GLUD1: variants seen among roughly 807,000 people sequenced by gnomAD.
GLUD1 encodes glutamate dehydrogenase 1.
A neutral mutation model predicts 56.0 loss-of-function variants in GLUD1; 22 were observed. That is an observed-to-expected ratio of 0.39 (90% CI 0.28 to 0.56). The LOEUF (loss-of-function observed/expected upper bound fraction) is 0.56, where lower values mean the gene tolerates loss of function less well. Among genes scored for constraint, GLUD1 ranks in the 20% least tolerant of loss-of-function variants. The pLI is 0.58. For synonymous variants in GLUD1, 223 were observed against 269.9 expected (o/e 0.83, Z 1.70); for missense variants, 451 against 732.0 (o/e 0.62, Z 4.43).
rs1845971776 is a variant in GLUD1, at chr10:87,062,854, G to T, written c.742-19C>A. On this transcript the variant is annotated intron_variant, in intron 5 of 12. Transcript: ENST00000277865. Reference sequence around the variant, plus strand: ...TAATATCCTGTAAGAGGGGGTAATTGAAAGAATGAAATGTCAAGTCCAATT... The same window carrying T: ...TAATATCCTGTAAGAGGGGGTAATTTAAAGAATGAAATGTCAAGTCCAATT... 1 of 1,607,874 alleles carries T rather than the reference G, an allele frequency of 6.2e-7. No individual in the cohort carries two copies. Among genetic ancestry groups the T allele is most frequent in the South Asian group, 1.1e-5 (1 of 90,796 alleles).
intron 8 of GLUD1, 184 bp downstream of exon 8, chr10:87,060,504 A>G: frequency 1.3e-6 from 1 of 793,552 alleles, no homozygotes; most frequent in East Asian, 2.5e-5. Context: ...ATGGTTGCAC[A>G]ACTCTGTGCC....
chr10:87,062,061 C>A (rs113786916), intron 6 of GLUD1, among the ~76,000 whole-genome samples: 4 of 152,054 alleles, frequency 2.6e-5, no homozygotes, highest in Admixed American at 1.3e-4. Flanking sequence ...GGATTACAGG[C>A]GTGAGCCACC....
Position 87,079,927 on chromosome 10 carries a change from CCCCTCT to C in GLUD1, c.446-3277_446-3272del, listed in dbSNP as rs1258508340. ...CCCCCTCCCCCTCCCCCTCTCCCTC[CCCCTCT>C]CCCTCTCCCTCTCCCCACGGTCTCC... On this transcript the variant is annotated intron_variant, in intron 1 of 12. Transcript: ENST00000277865. Among the ~76,000 whole-genome samples the C allele has an allele frequency of 5.7e-3, 716 of 125,950 alleles. 12 individuals are homozygous for C. The highest frequency in any genetic ancestry group is 0.021 in the African/African-American group (652 of 30,438). The allele number at this position is 125,950 out of a possible 152,430, so 82.6% of individuals were successfully genotyped here.
Position 87,051,477 on chromosome 10 carries a change from C to A in GLUD1, c.*274G>T. On this transcript the variant is annotated 3_prime_UTR_variant, in exon 13 of 13. Transcript: ENST00000277865. The stretch of plus-strand genomic sequence containing the variant: ...TGGGAAAAGCCACAGAGCAAGGCTG[C>A]ACAGCCAGATAAAGGAGGCTTTTTA... The A allele has an allele frequency of 2.1e-6, 1 of 480,138 alleles. No homozygotes were observed. The highest frequency in any genetic ancestry group is 2.0e-5 in the African/African-American group (1 of 50,856). 29.7% of individuals were successfully genotyped at this position (480,138 alleles called of 1,614,324 possible). A position where few individuals can be genotyped will look rare whatever the true frequency, so the allele number is the denominator to read the frequency against.
At chr10:87,093,072 G>A (rs940959029) in intron 1 of GLUD1, among the ~76,000 whole-genome samples, 1 of 152,158 alleles carries the variant, frequency 6.6e-6, no homozygotes, top group African/African-American at 2.4e-5. Flanking sequence ...CCTAGAAGTG[G>A]GCGGGGTCAA....
intron 1 of GLUD1, among the ~76,000 whole-genome samples, chr10:87,077,407 G>A (rs1846429392): frequency 6.6e-6 from 1 of 151,964 alleles, no homozygotes. Flanking sequence ...CTTCAAATGG[G>A]TATATTAAAA....
At chr10:87,080,248 T>A (rs1375424511) in intron 1 of GLUD1, among the ~76,000 whole-genome samples, 2 of 151,912 alleles carry the variant, frequency 1.3e-5, no homozygotes, top group Admixed American at 1.3e-4. Context: ...TGCTCAATGG[T>A]GCCCAGGCTG....
At chr10:87,088,569 A>G (rs1293312334) in intron 1 of GLUD1, among the ~76,000 whole-genome samples, 1 of 152,184 alleles carries the variant, frequency 6.6e-6, no homozygotes, top group Non-Finnish European at 1.5e-5. Context: ...AAATCCTACT[A>G]AGGCCCAATA....
intron 1 of GLUD1, among the ~76,000 whole-genome samples, chr10:87,080,924 G>A (rs1314352297): frequency 6.7e-6 from 1 of 148,944 alleles, no homozygotes; most frequent in East Asian, 2.0e-4. Flanking sequence ...CCCCTACTGG[G>A]AAGTGAGGAG....
chr10:87,060,829 C>T lies in GLUD1; in HGVS notation c.1060-4G>A. The T allele has an allele frequency of 8.7e-6, 14 of 1,614,130 alleles. No homozygotes were observed. Among genetic ancestry groups the T allele is most frequent in the Non-Finnish European group, 1.2e-5 (14 of 1,180,028 alleles). ...AGCCCAGAATGGACCCATGTTGCTG[C>T]CATTGATTGAAAATCACAATTAATA... is the stretch of plus-strand genomic sequence containing the variant. On this transcript the variant is annotated splice_region_variant and splice_polypyrimidine_tract_variant and intron_variant, in intron 7 of 12. Transcript: ENST00000277865.
At chr10:87,073,149 C>T (rs931609711) in intron 4 of GLUD1, among the ~76,000 whole-genome samples, 6 of 152,076 alleles carry the variant, frequency 3.9e-5, no homozygotes, top group African/African-American at 1.4e-4. Context: ...AGCTTTATTT[C>T]ATTTCTCTTT....
intron 1 of GLUD1, among the ~76,000 whole-genome samples, chr10:87,088,167 CTTTGT>C (rs1299751263): frequency 1.4e-5 from 2 of 146,404 alleles, no homozygotes; most frequent in African/African-American, 2.4e-5. Flanking sequence ...ACATGATTTA[CTTTGT>C]TTTGTTTTTT....
At chr10:87,093,284 ACAAGAC>A (rs1172857276) in intron 1 of GLUD1, among the ~76,000 whole-genome samples, 4 of 152,130 alleles carry the variant, frequency 2.6e-5, no homozygotes, top group African/African-American at 9.7e-5. Context: ...TCCACCTCCA[ACAAGAC>A]TCCTCGCCTC....
chr10:87,062,462 T>C (rs530430037), intron 6 of GLUD1, among the ~76,000 whole-genome samples, 194 bp downstream of exon 6: 3 of 152,350 alleles, frequency 2.0e-5, no homozygotes, highest in African/African-American at 4.8e-5. Context: ...ACTTGAGAGA[T>C]ACTTAAATCA....
In GLUD1 at chr10:87,094,223, G is replaced by A. The variant is rs1179645653; in HGVS notation, c.445+102C>T. The A allele has an allele frequency of 2.8e-6, 4 of 1,445,060 alleles. No individual in the cohort carries two copies. In the African/African-American group the frequency reaches 5.7e-5, roughly 20 times the overall value. The allele number at this position is 1,445,060 out of a possible 1,614,324, so 89.5% of individuals were successfully genotyped here. On this transcript the variant is annotated intron_variant, in intron 1 of 12. Coordinates refer to ENST00000277865, the MANE Select transcript of GLUD1 (RefSeq NM_005271.5). This position sits in a 1 kb window ranked among gnomAD's most constrained non-coding sequence, Gnocchi z 6.6. ...GGCGGGGACCCGGCCCGCTCCAGCT[G>A]GGCTGGGCTGGGCTGAGCAGCGGCC...
In GLUD1 at chr10:87,060,079, T is replaced by C. The variant is rs1245522042; in HGVS notation, c.1278+82A>G. On this transcript the variant is annotated intron_variant, in intron 9 of 12. Transcript: ENST00000277865. ...TTCACTAGAGCTTGGAGACTAATAATTCCTCTCTTCCTCCAAATTCCTTGC... is the reference window on the plus strand; with the variant it reads ...TTCACTAGAGCTTGGAGACTAATAACTCCTCTCTTCCTCCAAATTCCTTGC... 3 of 904,022 alleles carry C rather than the reference T, an allele frequency of 3.3e-6. No homozygotes were observed. The African/African-American group carries it at 4.9e-5, about 15-fold the overall frequency. The allele number at this position is 904,022 out of a possible 1,614,324, so 56.0% of individuals were successfully genotyped here.
chr10:87,093,821 A>C, intron 1 of GLUD1: 1 of 880,144 alleles, frequency 1.1e-6, no homozygotes, highest in Non-Finnish European at 1.6e-6. Flanking sequence ...TCTAGATTTC[A>C]AACTTAGAAG....
chr10:87,060,549 T>A (rs564880388), intron 8 of GLUD1, 139 bp downstream of exon 8: 1 of 1,080,564 alleles, frequency 9.3e-7, no homozygotes, highest in Admixed American at 1.7e-5. Context: ...GTACCTTAAA[T>A]GGGGGAACTG....
At chr10:87,078,740 TG>T (rs1003356176) in intron 1 of GLUD1, among the ~76,000 whole-genome samples, 1 of 152,134 alleles carries the variant, frequency 6.6e-6, no homozygotes, top group African/African-American at 2.4e-5. Flanking sequence ...AAACTGGGAA[TG>T]GGGGTGACGG....
Sources: allele counts gnomAD v4.1 joint callset (sites outside exome capture counted in the v4.1 genomes callset), GRCh38; gene constraint gnomAD v4.1.1; non-coding constraint Gnocchi (gnomAD v3.1); transcripts MANE v1.5; gene names NCBI Gene and HGNC (gene_info 2026-07-23, HGNC 2026-07-21).